Variants in ABLIM3 observed in about 807,000 individuals in gnomAD.
ABLIM3 encodes actin binding LIM protein family member 3, also known as actin-binding LIM protein 3.
Under a neutral mutation model 109.5 loss-of-function variants are expected in ABLIM3, and 61 were observed. The ratio of observed to expected loss-of-function variants is 0.56; its 90% CI spans 0.45 to 0.69. The LOEUF (loss-of-function observed/expected upper bound fraction) is 0.69, where lower values mean the gene tolerates loss of function less well. Among genes scored for constraint, ABLIM3 ranks in the 30% least tolerant of loss-of-function variants. The pLI is 0.00. For synonymous variants in ABLIM3, 300 were observed against 324.8 expected (o/e 0.92, Z 0.82); for missense variants, 796 against 889.5 (o/e 0.89, Z 1.34).
intron 2 of ABLIM3, among the ~76,000 whole-genome samples, chr5:149,163,076 G>A (rs1366499133): frequency 1.3e-5 from 2 of 152,214 alleles, no homozygotes; most frequent in African/African-American, 4.8e-5. Flanking sequence ...GGGCCTTGTG[G>A]ACCATGGCCA....
chr5:149,211,866 C>A (rs1759590857), intron 7 of ABLIM3, among the ~76,000 whole-genome samples: 1 of 152,192 alleles, frequency 6.6e-6, no homozygotes, highest in Non-Finnish European at 1.5e-5. Context: ...ATTCAAAGAA[C>A]AGAGAACCCA....
chr5:149,233,626 C>T (rs10079296), intron 10 of ABLIM3, among the ~76,000 whole-genome samples: 61,811 of 151,970 alleles, frequency 0.41, 12,969 homozygotes, highest in East Asian at 0.62. Context: ...TTTCCCACTA[C>T]TTAACTGAGA....
chr5:149,225,988 ATATATAT>A (rs1561607831), intron 8 of ABLIM3, among the ~76,000 whole-genome samples: 47 of 15,640 alleles, frequency 3.0e-3, no homozygotes, highest in African/African-American at 0.014. Flanking sequence ...GTGTGTATAT[ATATATAT>A]ATATATATAT....
At chr5:149,185,340 G>A (rs1316422357) in intron 3 of ABLIM3, among the ~76,000 whole-genome samples, 3 of 152,114 alleles carry the variant, frequency 2.0e-5, no homozygotes, top group Non-Finnish European at 1.5e-5. Flanking sequence ...GGGCTGGCTT[G>A]GGCTTGTTCA....
chr5:149,244,862 C>T lies in ABLIM3; in HGVS notation c.1352-19C>T, dbSNP rs769914503. 1.1e-5 allele frequency: 18 copies of T among 1,614,076 alleles called. No individual in the cohort carries two copies. The highest frequency in any genetic ancestry group is 3.3e-5 in the Admixed American group (2 of 60,006). On this transcript the variant is annotated intron_variant, in intron 15 of 23. Transcript: ENST00000309868. ...GGTCACTCTGCCTTCCTGAAGTGCT[C>T]TCCTTGGGTCCTCTGCAGGTGATTT...
At chr5:149,163,887 T>G (rs1213674776) in intron 2 of ABLIM3, 2 of 152,224 alleles carry the variant, frequency 1.3e-5, no homozygotes, top group East Asian at 3.8e-4. Context: ...CTTCCTTTGT[T>G]GCTGCTTTTA....
chr5:149,244,976 T>C lies in ABLIM3; in HGVS notation c.1447T>C (p.Ser483Pro), dbSNP rs1252944312. 4 of 1,614,044 alleles carry C rather than the reference T, an allele frequency of 2.5e-6. No individual in the cohort carries two copies. The highest frequency in any genetic ancestry group is 2.5e-6 in the Non-Finnish European group (3 of 1,180,048). ...CTACTCGCCAGACCCCTACTATGCT[T>C]CGGAGTCTGAGTACTGGACCTACCA... Reference protein sequence around the residue: ...PIYSPDPYYASESEYWTYHGS... With the variant: ...PIYSPDPYYAPESEYWTYHGS... Residue 483 changes from serine to proline, a missense_variant, in exon 16 of 24, where the codon TCG (serine) becomes CCG (proline). Physicochemically the swap from Ser to Pro is moderately conservative, Grantham distance 74. Transcript: ENST00000309868.
chr5:149,202,229 G>A (rs1360452332), intron 5 of ABLIM3, among the ~76,000 whole-genome samples: 1 of 152,188 alleles, frequency 6.6e-6, no homozygotes, highest in Non-Finnish European at 1.5e-5. Flanking sequence ...TCACATGTGA[G>A]TATGTTTTCA....
chr5:149,173,735 G>T (rs1036446282), intron 2 of ABLIM3, among the ~76,000 whole-genome samples: 2 of 151,328 alleles, frequency 1.3e-5, no homozygotes, highest in Non-Finnish European at 3.0e-5. Flanking sequence ...ACAAGAAGTA[G>T]GAACCGCCGG....
chr5:149,214,257 T>A, intron 7 of ABLIM3, among the ~76,000 whole-genome samples: 1 of 152,216 alleles, frequency 6.6e-6, no homozygotes, highest in East Asian at 1.9e-4. Flanking sequence ...CTGGATCCAG[T>A]GCTTAAGCGA....
intron 16 of ABLIM3, 106 bp downstream of exon 16, chr5:149,245,121 G>T (rs1201212900): frequency 6.9e-7 from 1 of 1,441,924 alleles, no homozygotes; most frequent in Non-Finnish European, 9.5e-7. Flanking sequence ...CTGAATAAGA[G>T]TGCTTAGAGG....
intron 7 of ABLIM3, among the ~76,000 whole-genome samples, chr5:149,216,009 TTAAA>T (rs1760041528): frequency 6.6e-6 from 1 of 152,110 alleles, no homozygotes; most frequent in Non-Finnish European, 1.5e-5. Context: ...CATTTTTAAT[TTAAA>T]TAGTGATGGG....
At chr5:149,225,822 C>T (rs377297771) in intron 8 of ABLIM3, among the ~76,000 whole-genome samples, 3 of 151,432 alleles carry the variant, frequency 2.0e-5, no homozygotes, top group South Asian at 2.1e-4. Context: ...TTTCCATTCC[C>T]GAGTTACTTT....
intron 2 of ABLIM3, among the ~76,000 whole-genome samples, chr5:149,168,032 C>T (rs926341165): frequency 2.0e-5 from 3 of 152,174 alleles, no homozygotes; most frequent in Admixed American, 2.0e-4. Flanking sequence ...CCAGCCTCTA[C>T]CCACTAGATG....
chr5:149,209,555 G>A (rs757330829), intron 6 of ABLIM3, among the ~76,000 whole-genome samples: 15 of 152,162 alleles, frequency 9.9e-5, no homozygotes, highest in Non-Finnish European at 1.8e-4. Context: ...ATTGTGTACC[G>A]CTAATTCCCC....
intron 3 of ABLIM3, among the ~76,000 whole-genome samples, chr5:149,189,888 T>C (rs1016405489): frequency 4.6e-5 from 7 of 152,194 alleles, no homozygotes; most frequent in African/African-American, 1.4e-4. Flanking sequence ...AATAAAAATA[T>C]ATGTTCACAC....
chr5:149,179,545 A>G (rs1756276116), intron 2 of ABLIM3, among the ~76,000 whole-genome samples: 1 of 152,166 alleles, frequency 6.6e-6, no homozygotes, highest in African/African-American at 2.4e-5. Context: ...ACAACTTTAG[A>G]ACTCTTTAGG....
intron 7 of ABLIM3, among the ~76,000 whole-genome samples, chr5:149,212,394 G>A (rs1581142481): frequency 1.3e-5 from 2 of 152,180 alleles, no homozygotes; most frequent in South Asian, 2.1e-4. Flanking sequence ...GGGCAAGGGA[G>A]CATTGTGGAG....
At chr5:149,215,738 C>T (rs1323575286) in intron 7 of ABLIM3, among the ~76,000 whole-genome samples, 1 of 152,100 alleles carries the variant, frequency 6.6e-6, no homozygotes. Flanking sequence ...TCAAACAAGG[C>T]CCACCTGCCA....
Sources: gnomAD v4.1 joint callset for allele counts (sites outside exome capture counted in the v4.1 genomes callset) on GRCh38, gnomAD v4.1.1 for gene constraint, MANE v1.5 for transcripts, NCBI Gene and HGNC (gene_info 2026-07-23, HGNC 2026-07-21) for gene names.